Variants in TSNARE1 observed in about 807,000 individuals in gnomAD.
TSNARE1 encodes the protein t-SNARE domain containing 1, also known as t-SNARE domain-containing protein 1.
Under a neutral mutation model 62.0 loss-of-function variants are expected in TSNARE1, and 49 were observed. That is an observed-to-expected ratio of 0.79 (90% CI 0.63 to 1.00). TSNARE1 has a LOEUF of 1.00. Ranked by LOEUF, TSNARE1 falls within the 50% of genes least tolerant of loss-of-function variation. The pLI, the probability that TSNARE1 is intolerant of heterozygous loss-of-function variation, is 0.00. For synonymous variants in TSNARE1, 328 were observed against 294.4 expected (o/e 1.11, Z -1.17); for missense variants, 755 against 700.1 (o/e 1.08, Z -0.88).
At chr8:142,398,598 G>C (rs1043440899) in intron 1 of TSNARE1, among the ~76,000 whole-genome samples, 6 of 152,112 alleles carry the variant, frequency 3.9e-5, no homozygotes, top group Admixed American at 3.3e-4. Flanking sequence ...CCTCGACCTT[G>C]CTCTGTAAGG....
intron 12 of TSNARE1, among the ~76,000 whole-genome samples, chr8:142,235,652 T>C (rs1817373535): frequency 6.6e-6 from 1 of 152,124 alleles, no homozygotes; most frequent in African/African-American, 2.4e-5. Context: ...AATGCTGTAA[T>C]TATTGAAATG....
chr8:142,362,653 G>A (rs1421036469), intron 1 of TSNARE1, among the ~76,000 whole-genome samples: 1 of 152,090 alleles, frequency 6.6e-6, no homozygotes, highest in African/African-American at 2.4e-5. Flanking sequence ...CAGTGACCAC[G>A]ACCCAATCAC....
chr8:142,243,952 C>T (rs1252213821), intron 12 of TSNARE1, among the ~76,000 whole-genome samples: 2 of 152,150 alleles, frequency 1.3e-5, no homozygotes, highest in African/African-American at 4.8e-5. Context: ...ATTTGGGAGG[C>T]CGAGGCAGGC....
intron 12 of TSNARE1, among the ~76,000 whole-genome samples, chr8:142,236,687 T>C (rs900254216): frequency 6.6e-6 from 1 of 151,928 alleles, no homozygotes; most frequent in Non-Finnish European, 1.5e-5. Flanking sequence ...TCCCTGACCC[T>C]CCAGACCACC....
chr8:142,324,994 C>T (rs991703895), intron 6 of TSNARE1, among the ~76,000 whole-genome samples: 1 of 152,254 alleles, frequency 6.6e-6, no homozygotes, highest in African/African-American at 2.4e-5. Context: ...CCGTCCTAGA[C>T]CTGGCAACAC....
intron 6 of TSNARE1, among the ~76,000 whole-genome samples, chr8:142,318,923 G>T (rs930711054): frequency 1.3e-5 from 2 of 151,788 alleles, no homozygotes; most frequent in Non-Finnish European, 2.9e-5. Context: ...AGAGGAGGGG[G>T]CCCAAGAGCC....
chr8:142,376,570 A>G (rs1033890543), intron 1 of TSNARE1, among the ~76,000 whole-genome samples: 1 of 152,026 alleles, frequency 6.6e-6, no homozygotes, highest in African/African-American at 2.4e-5. Context: ...CCCTGCTGGC[A>G]CTCTGATCTC....
At chr8:142,275,012 G>C in intron 11 of TSNARE1, 149 bp from the exon 12 acceptor site, 1 of 1,370,584 alleles carries the variant, frequency 7.3e-7, no homozygotes, top group South Asian at 1.8e-5. Flanking sequence ...GCTGCCAGAC[G>C]TGCCGAGGGC....
At chr8:142,402,881 T>A (rs996644296) in intron 1 of TSNARE1, 1 of 152,010 alleles carries the variant, frequency 6.6e-6, no homozygotes, top group African/African-American at 2.4e-5. Context: ...GGGCTGCGGC[T>A]CAGGGTCCCT....
At chr8:142,390,955 T>C (rs1837471959) in intron 1 of TSNARE1, among the ~76,000 whole-genome samples, 2 of 135,160 alleles carry the variant, frequency 1.5e-5, no homozygotes, top group South Asian at 2.7e-4. Context: ...GGGGACTCTA[T>C]AGCAGACGCT....
intron 12 of TSNARE1, among the ~76,000 whole-genome samples, chr8:142,258,064 C>G (rs955071076): frequency 2.6e-5 from 4 of 152,130 alleles, no homozygotes; most frequent in African/African-American, 9.7e-5. Context: ...CATGCACACA[C>G]AAAACCTATG....
At chr8:142,317,640 A>C (rs886965006) in intron 7 of TSNARE1, among the ~76,000 whole-genome samples, 2 of 152,118 alleles carry the variant, frequency 1.3e-5, no homozygotes, top group African/African-American at 4.8e-5. Flanking sequence ...GGTGTGGTGG[A>C]GCGGAGGGTG....
chr8:142,357,563 G>A (rs994143696), intron 1 of TSNARE1, among the ~76,000 whole-genome samples: 1 of 152,196 alleles, frequency 6.6e-6, no homozygotes, highest in Non-Finnish European at 1.5e-5. Flanking sequence ...GGAGGAGGGT[G>A]GAGCTAGGGA....
chr8:142,348,363 A>C (rs910361062), intron 2 of TSNARE1, among the ~76,000 whole-genome samples: 4 of 152,172 alleles, frequency 2.6e-5, no homozygotes, highest in Non-Finnish European at 5.9e-5. Flanking sequence ...TTTCTGAGTC[A>C]GCACTCGCAC....
In TSNARE1 at chr8:142,354,864, G is replaced by C. The variant is rs563116890; in HGVS notation, c.-39-101C>G. The C allele has an allele frequency of 2.1e-5, 14 of 662,520 alleles. No homozygotes were observed. In the African/African-American group the frequency reaches 2.2e-4, roughly 10 times the overall value. 41.0% of individuals were successfully genotyped at this position (662,520 alleles called of 1,614,324 possible). A position where few individuals can be genotyped will look rare whatever the true frequency, so the allele number is the denominator to read the frequency against. On this transcript the variant is annotated intron_variant, in intron 1 of 13. Coordinates refer to ENST00000524325, the MANE Select transcript of TSNARE1 (RefSeq NM_145003.5). ...GCCGCCGGCCCCTCCCCAGCCCCAAGACCCTGGCTCCATTGTACCCATTCC... is the reference window on the plus strand; with the variant it reads ...GCCGCCGGCCCCTCCCCAGCCCCAACACCCTGGCTCCATTGTACCCATTCC...
At chr8:142,326,693 G>C (rs947490503) in intron 6 of TSNARE1, among the ~76,000 whole-genome samples, 1 of 151,936 alleles carries the variant, frequency 6.6e-6, no homozygotes, top group African/African-American at 2.4e-5. Flanking sequence ...AGACGGATGA[G>C]GAACCAGCAC....
At chr8:142,315,154 C>T in intron 7 of TSNARE1, 62 bp from the exon 8 acceptor site, 1 of 1,538,218 alleles carries the variant, frequency 6.5e-7, no homozygotes, top group Non-Finnish European at 9.0e-7. Flanking sequence ...CAGCCCCCAC[C>T]ACCCACACCT....
At chr8:142,252,037 G>C (rs961179640) in intron 12 of TSNARE1, among the ~76,000 whole-genome samples, 1 of 130,616 alleles carries the variant, frequency 7.7e-6, no homozygotes, top group Non-Finnish European at 1.6e-5. Context: ...CCATGTACCC[G>C]CCGCCCACGT....
intron 1 of TSNARE1, among the ~76,000 whole-genome samples, chr8:142,359,099 T>C (rs1023085764): frequency 2.6e-5 from 4 of 152,056 alleles, no homozygotes; most frequent in Non-Finnish European, 5.9e-5. Flanking sequence ...CCCAGGCTGT[T>C]ACTCGGCTTC....
Sources: gnomAD v4.1 joint callset for allele counts (sites outside exome capture counted in the v4.1 genomes callset) on GRCh38, gnomAD v4.1.1 for gene constraint, MANE v1.5 for transcripts, NCBI Gene and HGNC (gene_info 2026-07-23, HGNC 2026-07-21) for gene names.